Variants in RFTN2 observed in about 807,000 individuals in gnomAD.
RFTN2 encodes raftlin family member 2.
A neutral mutation model predicts 52.7 loss-of-function variants in RFTN2; 34 were observed. The ratio of observed to expected loss-of-function variants is 0.64; its 90% CI spans 0.49 to 0.86. The LOEUF is 0.86. Among genes scored for constraint, RFTN2 ranks in the 40% least tolerant of loss-of-function variants. The probability of loss-of-function intolerance (pLI) is 0.00; values close to 1 mark genes in which losing one functional copy is unlikely to be tolerated. For synonymous variants in RFTN2, 203 were observed against 217.7 expected, an observed-to-expected ratio of 0.93 and a Z score of 0.59; for missense variants, 536 against 600.1, an observed-to-expected ratio of 0.89 and a Z score of 1.12.
At chr2:197,576,943 C>T (rs760791839) in intron 8 of RFTN2, among the ~76,000 whole-genome samples, 8 of 152,196 alleles carry the variant, frequency 5.3e-5, no homozygotes, top group African/African-American at 1.9e-4. Flanking sequence ...TAGGGCAAAC[C>T]TGCCTCCCAT....
At chr2:197,660,817 C>T (rs1404978367) in intron 1 of RFTN2, among the ~76,000 whole-genome samples, 1 of 152,008 alleles carries the variant, frequency 6.6e-6, no homozygotes, top group Non-Finnish European at 1.5e-5. Context: ...CCTTGGCCTC[C>T]CAAAATGCTG....
At chr2:197,655,321 T>C (rs1052629570) in intron 1 of RFTN2, among the ~76,000 whole-genome samples, 1 of 152,204 alleles carries the variant, frequency 6.6e-6, no homozygotes, top group Admixed American at 6.5e-5. Flanking sequence ...TAAGTTCTGC[T>C]TTTCTGGTCT....
At chr2:197,593,509 A>T (rs993967147) in intron 8 of RFTN2, among the ~76,000 whole-genome samples, 2 of 152,226 alleles carry the variant, frequency 1.3e-5, no homozygotes, top group Non-Finnish European at 2.9e-5. Context: ...GCACAACTCC[A>T]TGGCCCTCAG....
chr2:197,626,562 C>CAAATAAATAAATAAATAAATAAATAAAT (rs138860159), intron 5 of RFTN2, among the ~76,000 whole-genome samples: 30 of 124,038 alleles, frequency 2.4e-4, no homozygotes, highest in African/African-American at 8.3e-4. Flanking sequence ...ACCCCATCTA[C>CAAATAAATAAATAAATAAATAAATAAAT]AAATAAATAA....
At chr2:197,578,785 C>A (rs569945291) in intron 8 of RFTN2, among the ~76,000 whole-genome samples, 2 of 152,176 alleles carry the variant, frequency 1.3e-5, no homozygotes, top group Non-Finnish European at 2.9e-5. Context: ...CATTTGGTGC[C>A]GTGATTCGGA....
intron 7 of RFTN2, 25 bp from the exon 8 acceptor site, chr2:197,596,094 G>A (rs569469927): frequency 2.2e-6 from 3 of 1,384,296 alleles, no homozygotes; most frequent in Non-Finnish European, 3.1e-6. Context: ...AATAGTATTA[G>A]TATTTGTGAG....
intron 7 of RFTN2, among the ~76,000 whole-genome samples, chr2:197,606,222 G>A (rs2087960546): frequency 6.6e-6 from 1 of 152,116 alleles, no homozygotes; most frequent in Non-Finnish European, 1.5e-5. Flanking sequence ...CTTCATGGCA[G>A]GACCTGTCAT....
chr2:197,660,309 T>G (rs1378700476), intron 1 of RFTN2, among the ~76,000 whole-genome samples: 1 of 152,218 alleles, frequency 6.6e-6, no homozygotes, highest in African/African-American at 2.4e-5. Context: ...ATGTTACTTA[T>G]CAAAATGTTT....
chr2:197,607,198 G>A (rs1326831040), intron 7 of RFTN2, among the ~76,000 whole-genome samples: 5 of 152,150 alleles, frequency 3.3e-5, no homozygotes, highest in Admixed American at 3.3e-4. Context: ...GATGAAACTG[G>A]AAATCATCAT....
intron 5 of RFTN2, among the ~76,000 whole-genome samples, chr2:197,626,617 C>CTTTTTTTT (rs71012985): frequency 7.7e-5 from 7 of 90,950 alleles, no homozygotes; most frequent in African/African-American, 2.7e-4. Flanking sequence ...GAATAATCTT[C>CTTTTTTTT]TTTTTTTTTT....
intron 7 of RFTN2, among the ~76,000 whole-genome samples, chr2:197,605,540 G>A (rs1221131508): frequency 6.6e-6 from 1 of 152,126 alleles, no homozygotes; most frequent in Non-Finnish European, 1.5e-5. Context: ...TAAATGAGAA[G>A]TTTTTAGGAA....
intron 6 of RFTN2, among the ~76,000 whole-genome samples, chr2:197,616,825 C>T (rs970887169): frequency 3.3e-5 from 5 of 152,130 alleles, no homozygotes; most frequent in Non-Finnish European, 7.3e-5. Context: ...CCTTTTTCCC[C>T]ACTCAATGGG....
chr2:197,619,670 C>T (rs1328492066), intron 5 of RFTN2, among the ~76,000 whole-genome samples: 1 of 149,398 alleles, frequency 6.7e-6, no homozygotes, highest in East Asian at 1.9e-4. Context: ...TATCTGCTGA[C>T]CTTCCCTCCA....
chr2:197,662,126 T>G (rs1448995290), intron 1 of RFTN2, among the ~76,000 whole-genome samples: 2 of 152,228 alleles, frequency 1.3e-5, no homozygotes, highest in African/African-American at 2.4e-5. Flanking sequence ...GTGAAGCTTT[T>G]CAGTTTAGTA....
At chr2:197,630,594 TAGAA>T (rs1466967346) in intron 5 of RFTN2, among the ~76,000 whole-genome samples, 5 of 152,212 alleles carry the variant, frequency 3.3e-5, no homozygotes. Context: ...GTACAAATTA[TAGAA>T]AGAATCAGGT....
chr2:197,643,493 T>G (rs1031034140), intron 3 of RFTN2, among the ~76,000 whole-genome samples: 1 of 152,244 alleles, frequency 6.6e-6, no homozygotes, highest in African/African-American at 2.4e-5. Context: ...CATTAAACAT[T>G]ATTAGGTTGA....
At chr2:197,649,773 C>T (rs1339905951) in intron 1 of RFTN2, among the ~76,000 whole-genome samples, 2 of 152,176 alleles carry the variant, frequency 1.3e-5, no homozygotes, top group Non-Finnish European at 2.9e-5. Context: ...TGCAATCTTA[C>T]TGTCATCCCA....
At chr2:197,634,430 T>C (rs940486934) in intron 3 of RFTN2, among the ~76,000 whole-genome samples, 1 of 152,110 alleles carries the variant, frequency 6.6e-6, no homozygotes, top group Non-Finnish European at 1.5e-5. Flanking sequence ...AAAATACATA[T>C]AGTTTTGCTT....
intron 4 of RFTN2, 147 bp downstream of exon 4, chr2:197,633,571 C>G: frequency 1.5e-6 from 1 of 674,278 alleles, no homozygotes. Context: ...GCTGTAATAA[C>G]TTTTAAAAAT....
Sources: allele counts gnomAD v4.1 joint callset (sites outside exome capture counted in the v4.1 genomes callset), GRCh38; gene constraint gnomAD v4.1.1; transcripts MANE v1.5; gene names NCBI Gene and HGNC (gene_info 2026-07-23, HGNC 2026-07-21).